Variants in APBA2 observed in about 807,000 individuals in gnomAD.
The protein encoded by APBA2 is amyloid beta precursor protein binding family A member 2, also known as amyloid-beta A4 precursor protein-binding family A member 2.
In APBA2, 30 loss-of-function variants were observed where a neutral mutation model predicts 75.0. The observed-to-expected ratio is 0.40, with a 90% confidence interval of 0.30 to 0.54. The LOEUF (loss-of-function observed/expected upper bound fraction) is 0.54. APBA2 is among the 20% of genes least tolerant of loss of function. The probability of loss-of-function intolerance (pLI) is 0.49; values close to 1 mark genes in which losing one functional copy is unlikely to be tolerated. For missense variants in APBA2, 801 were observed against 1,016.1 expected, an observed-to-expected ratio of 0.79 and a Z score of 2.88; for synonymous variants, 444 against 409.6, an observed-to-expected ratio of 1.08 and a Z score of -1.01.
chr15:28,913,989 A>G (rs1052818719), intron 1 of APBA2, among the ~76,000 whole-genome samples: 1 of 152,194 alleles, frequency 6.6e-6, no homozygotes, highest in Non-Finnish European at 1.5e-5. Flanking sequence ...GCCCTGGATA[A>G]TTATGCCAAC....
chr15:29,077,990 G>A (rs914524861), intron 6 of APBA2, among the ~76,000 whole-genome samples: 6 of 152,232 alleles, frequency 3.9e-5, no homozygotes, highest in Admixed American at 3.3e-4. Flanking sequence ...ACAAATAGGT[G>A]TGTGTCTTAC....
rs375172551 is a variant in APBA2 at position 28,948,076 on chromosome 15, G to C, written c.-95+26327G>C. 4.6e-4 allele frequency among the ~76,000 whole-genome samples: 70 copies of C among 152,300 alleles called. No homozygotes were observed. In the South Asian group the frequency reaches 0.011, roughly 25 times the overall value. The stretch of plus-strand genomic sequence containing the variant: ...GGGTCCTTGCACCATCCAGAGAGGT[G>C]ATGATGTGGTTATTCCCATGTATAG... On this transcript the variant is annotated intron_variant, in intron 2 of 14. Coordinates refer to ENST00000683413, the MANE Select transcript of APBA2 (RefSeq NM_001353788.2).
intron 2 of APBA2, 75 bp downstream of exon 2, chr15:28,921,824 TG>T (rs2033985093): frequency 6.6e-6 from 1 of 152,216 alleles, no homozygotes; most frequent in African/African-American, 2.4e-5. Context: ...ATGTGCTAAT[TG>T]GGGGCCGTAA....
chr15:28,958,417 G>A (rs895252579), intron 2 of APBA2, among the ~76,000 whole-genome samples: 1 of 152,254 alleles, frequency 6.6e-6, no homozygotes, highest in Admixed American at 6.5e-5. Context: ...AACCTGAAAA[G>A]TATTTTAAGT....
chr15:29,013,428 C>T (rs920285597), intron 3 of APBA2, among the ~76,000 whole-genome samples: 2 of 151,808 alleles, frequency 1.3e-5, no homozygotes, highest in Non-Finnish European at 2.9e-5. Context: ...TACAGGCGCC[C>T]GCCACCGCGC....
chr15:28,990,175 T>A (rs1566879886), intron 2 of APBA2, among the ~76,000 whole-genome samples: 2 of 152,230 alleles, frequency 1.3e-5, no homozygotes, highest in Non-Finnish European at 1.5e-5. Flanking sequence ...TTTGGGAGGC[T>A]GAGGCGGGTG....
intron 2 of APBA2, among the ~76,000 whole-genome samples, chr15:28,941,059 A>G (rs1354310865): frequency 3.9e-5 from 6 of 152,152 alleles, no homozygotes; most frequent in Non-Finnish European, 8.8e-5. Context: ...CAGGAAATAA[A>G]CCTAATCCGT....
Position 28,937,168 on chromosome 15 carries a change from G to A in APBA2, c.-95+15419G>A, listed in dbSNP as rs145535254. Reference sequence around the variant, plus strand: ...GAGCCATCATCCACCCCTCTATACCGGGGACAGTGTGCTGCCAGGAGGGGC... The same window carrying A: ...GAGCCATCATCCACCCCTCTATACCAGGGACAGTGTGCTGCCAGGAGGGGC... On this transcript the variant is annotated intron_variant, in intron 2 of 14. Transcript: ENST00000683413. Among the ~76,000 whole-genome samples, 7 of 152,062 alleles carry A rather than the reference G, an allele frequency of 4.6e-5. No individual in the cohort carries two copies. In the East Asian group the frequency reaches 7.7e-4, roughly 17 times the overall value.
chr15:29,089,234 A>G (rs1043491400), intron 6 of APBA2, among the ~76,000 whole-genome samples: 2 of 152,232 alleles, frequency 1.3e-5, no homozygotes, highest in African/African-American at 4.8e-5. Context: ...ACCTGAACTC[A>G]TGACAGTGAA....
chr15:28,946,762 A>G (rs188601153), intron 2 of APBA2, among the ~76,000 whole-genome samples: 10 of 152,170 alleles, frequency 6.6e-5, no homozygotes, highest in Admixed American at 2.6e-4. Context: ...ATTTTTTTGT[A>G]AAGATAAGGT....
At chr15:28,903,733 A>G (rs997007563) in intron 1 of APBA2, among the ~76,000 whole-genome samples, 1 of 152,144 alleles carries the variant, frequency 6.6e-6, no homozygotes, top group Non-Finnish European at 1.5e-5. Flanking sequence ...TTGCAAGATG[A>G]TGTGAGTCAT....
intron 1 of APBA2, among the ~76,000 whole-genome samples, chr15:28,910,760 CT>C (rs1488207069): frequency 6.6e-6 from 1 of 152,156 alleles, no homozygotes; most frequent in Non-Finnish European, 1.5e-5. Context: ...AGATTTTTCT[CT>C]TTTCATTTCT....
chr15:28,920,185 G>A lies in APBA2; in HGVS notation c.-204-1455G>A, dbSNP rs554915429. Among the ~76,000 whole-genome samples, 7 of 152,326 alleles carry A rather than the reference G, an allele frequency of 4.6e-5. No individual in the cohort carries two copies. In the South Asian group the frequency reaches 1.5e-3, roughly 32 times the overall value. On this transcript the variant is annotated intron_variant, in intron 1 of 14. Coordinates refer to ENST00000683413, the MANE Select transcript of APBA2 (RefSeq NM_001353788.2). The stretch of plus-strand genomic sequence containing the variant: ...AAGAAGACAGGGCTGAGAAGAGTGT[G>A]ATTTCCCCTAGAATTCAGAGATGCC...
intron 14 of APBA2, among the ~76,000 whole-genome samples, chr15:29,115,783 T>A (rs2045067478): frequency 6.6e-6 from 1 of 152,086 alleles, no homozygotes; most frequent in African/African-American, 2.4e-5. Context: ...GAAACCTACA[T>A]CGGCCACACA....
At chr15:28,943,853 C>T (rs1426322130) in intron 2 of APBA2, among the ~76,000 whole-genome samples, 1 of 152,194 alleles carries the variant, frequency 6.6e-6, no homozygotes, top group African/African-American at 2.4e-5. Flanking sequence ...AACCAGACAC[C>T]GCCCCTACAT....
chr15:29,098,697 C>G lies in APBA2; in HGVS notation c.1338+121C>G. On this transcript the variant is annotated intron_variant, in intron 9 of 14. Transcript: ENST00000683413. ...TCCTGTGCTCTCTGCGCCCATCAAC[C>G]CAAGGCCCATAGCCCGGGCTGCGGG... 2.3e-6 allele frequency: 2 copies of G among 865,952 alleles called. 1 individual carries two copies. The highest frequency in any genetic ancestry group is 2.8e-5 in the South Asian group (2 of 71,412). 53.6% of individuals were successfully genotyped at this position (865,952 alleles called of 1,614,324 possible). A position where few individuals can be genotyped will look rare whatever the true frequency, so the allele number is the denominator to read the frequency against.
chr15:28,934,926 C>T (rs1229466038), intron 2 of APBA2, among the ~76,000 whole-genome samples: 1 of 152,192 alleles, frequency 6.6e-6, no homozygotes, highest in Non-Finnish European at 1.5e-5. Flanking sequence ...ACCTGGGTGT[C>T]CTCTGCTCTG....
chr15:28,958,805 A>G (rs1456895756), intron 2 of APBA2, among the ~76,000 whole-genome samples: 1 of 140,660 alleles, frequency 7.1e-6, no homozygotes, highest in Non-Finnish European at 1.5e-5. Flanking sequence ...GTTTTTAAGC[A>G]TTATTCCCAA....
At chr15:28,931,342 G>A (rs1566810387) in intron 2 of APBA2, among the ~76,000 whole-genome samples, 1 of 152,278 alleles carries the variant, frequency 6.6e-6, no homozygotes, top group East Asian at 1.9e-4. Context: ...GGATCTTAGC[G>A]GGGGCCTGGG....
Sources: gnomAD v4.1 joint callset for allele counts (sites outside exome capture counted in the v4.1 genomes callset) on GRCh38, gnomAD v4.1.1 for gene constraint, MANE v1.5 for transcripts, NCBI Gene and HGNC (gene_info 2026-07-23, HGNC 2026-07-21) for gene names.